The following SV2C variants were observed in gnomAD, a reference collection of about 807,000 sequenced individuals.
SV2C encodes the protein synaptic vesicle glycoprotein 2C, also known as solute carrier family 22 member B3.
In SV2C, 49 loss-of-function variants were observed where a neutral mutation model predicts 79.7. That is an observed-to-expected ratio of 0.61 (90% CI 0.49 to 0.78). The LOEUF is 0.78. SV2C is among the 30% of genes least tolerant of loss of function. The pLI, the probability that SV2C is intolerant of heterozygous loss-of-function variation, is 0.00. For synonymous variants in SV2C, 334 were observed against 333.2 expected, an observed-to-expected ratio of 1.00 and a Z score of -0.03; for missense variants, 833 against 912.9, an observed-to-expected ratio of 0.91 and a Z score of 1.13.
chr5:76,126,202 A>G (rs1379564175), intron 1 of SV2C, among the ~76,000 whole-genome samples: 5 of 152,244 alleles, frequency 3.3e-5, no homozygotes, highest in Non-Finnish European at 7.3e-5. Flanking sequence ...GGAGGAAACC[A>G]GCTACACTTA....
At chr5:76,206,561 A>G (rs1744614617) in intron 3 of SV2C, among the ~76,000 whole-genome samples, 1 of 152,216 alleles carries the variant, frequency 6.6e-6, no homozygotes, top group Non-Finnish European at 1.5e-5. Context: ...GTATCTTTCT[A>G]TTCACTGGAG....
intron 12 of SV2C, among the ~76,000 whole-genome samples, chr5:76,318,516 G>A (rs762044274): frequency 7.9e-5 from 12 of 152,124 alleles, no homozygotes; most frequent in Admixed American, 2.0e-4. Context: ...CCATCCAGCT[G>A]CAGAGGTGGC....
chr5:76,127,284 A>G (rs1238864198), intron 1 of SV2C, among the ~76,000 whole-genome samples: 2 of 152,174 alleles, frequency 1.3e-5, no homozygotes, highest in Non-Finnish European at 2.9e-5. Flanking sequence ...AATAGTATGT[A>G]GTGGTATTGG....
chr5:76,034,886 T>C, the SV2C span, among the ~76,000 whole-genome samples: 1 of 152,182 alleles, frequency 6.6e-6, no homozygotes, highest in Non-Finnish European at 1.5e-5. Flanking sequence ...TCCTGGACTG[T>C]TTCTGGTTGG....
the SV2C span, among the ~76,000 whole-genome samples, chr5:75,953,013 G>A: frequency 7.2e-5 from 11 of 152,038 alleles, no homozygotes; most frequent in East Asian, 1.9e-3. Flanking sequence ...AATATCTGAT[G>A]TGGGTAATTT....
chr5:75,853,573 AAGAC>A, the SV2C span, among the ~76,000 whole-genome samples: 33 of 136,300 alleles, frequency 2.4e-4, no homozygotes, highest in Non-Finnish European at 3.7e-4. Flanking sequence ...AAAAAAAAAA[AAGAC>A]AGCCTGGGCA....
At chr5:75,945,489 TA>T in the SV2C span, among the ~76,000 whole-genome samples, 3 of 151,780 alleles carry the variant, frequency 2.0e-5, no homozygotes, top group South Asian at 2.1e-4. Flanking sequence ...TTATTATTAT[TA>T]TTTTTTTTGG....
At chr5:76,086,623 G>A (rs1300657503) in intron 1 of SV2C, among the ~76,000 whole-genome samples, 2 of 119,236 alleles carry the variant, frequency 1.7e-5, no homozygotes, top group Non-Finnish European at 3.3e-5. Flanking sequence ...GTAAACCCAG[G>A]AAAGGCAGCC....
the SV2C span, among the ~76,000 whole-genome samples, chr5:75,970,450 G>A: frequency 6.6e-6 from 1 of 151,924 alleles, no homozygotes; most frequent in Non-Finnish European, 1.5e-5. Context: ...GAAGAAAAGA[G>A]AGAAGAATCA....
rs1189465247 is a variant in SV2C at position 76,135,365 on chromosome 5, ACACTGC to A, written c.580+3038_580+3043del. Reference sequence around the variant, plus strand: ...TTTGGAAGTCATCTTGTTTAAGACAACACTGCCAATGACCTTAATGAGGGAGAGAAT... The same window carrying A: ...TTTGGAAGTCATCTTGTTTAAGACAACAATGACCTTAATGAGGGAGAGAAT... On this transcript the variant is annotated intron_variant, in intron 2 of 12. Coordinates refer to ENST00000502798, the MANE Select transcript of SV2C (RefSeq NM_014979.4). 3.3e-5 allele frequency among the ~76,000 whole-genome samples: 5 copies of A among 152,166 alleles called. No individual in the cohort carries two copies. In the East Asian group the frequency reaches 5.8e-4, roughly 18 times the overall value.
At chr5:75,980,374 A>T in the SV2C span, among the ~76,000 whole-genome samples, 41 of 152,306 alleles carry the variant, frequency 2.7e-4, no homozygotes, top group African/African-American at 9.9e-4. Flanking sequence ...TGAGGCCAGC[A>T]TTGTCCTGAT....
At chr5:76,231,192 G>A (rs1051348942) in intron 4 of SV2C, among the ~76,000 whole-genome samples, 2 of 152,152 alleles carry the variant, frequency 1.3e-5, no homozygotes, top group Non-Finnish European at 2.9e-5. Context: ...TTACCATTCT[G>A]TGCAATAGAT....
the SV2C span, among the ~76,000 whole-genome samples, chr5:75,949,384 T>G: frequency 7.2e-6 from 1 of 139,516 alleles, no homozygotes; most frequent in Admixed American, 6.9e-5. Context: ...AGCTGTTATA[T>G]TAACAGTAGA....
the SV2C span, among the ~76,000 whole-genome samples, chr5:75,895,136 A>G: frequency 3.2e-4 from 48 of 152,302 alleles, no homozygotes; most frequent in South Asian, 6.2e-4. Flanking sequence ...CACTGAATAA[A>G]CAAACAGCAA....
At chr5:76,141,352 A>T (rs1749244087) in intron 2 of SV2C, among the ~76,000 whole-genome samples, 1 of 152,174 alleles carries the variant, frequency 6.6e-6, no homozygotes, top group African/African-American at 2.4e-5. Flanking sequence ...ACTCTGAATC[A>T]TTGTATCCCT....
chr5:76,224,732 C>G (rs1399581908), intron 4 of SV2C, among the ~76,000 whole-genome samples: 1 of 152,046 alleles, frequency 6.6e-6, no homozygotes, highest in Non-Finnish European at 1.5e-5. Context: ...AGTGGGGTCC[C>G]CAGAAGGAGT....
intron 3 of SV2C, among the ~76,000 whole-genome samples, chr5:76,198,747 T>G (rs1428709195): frequency 1.3e-5 from 2 of 152,214 alleles, no homozygotes; most frequent in African/African-American, 4.8e-5. Context: ...CTAGAGTTTA[T>G]CTGGGAACTC....
intron 4 of SV2C, among the ~76,000 whole-genome samples, chr5:76,218,577 G>A (rs892674000): frequency 3.9e-5 from 6 of 152,280 alleles, no homozygotes; most frequent in African/African-American, 1.4e-4. Context: ...GACACAGGGA[G>A]GGGAACATCA....
intron 4 of SV2C, among the ~76,000 whole-genome samples, chr5:76,229,423 G>A (rs1308591017): frequency 6.6e-6 from 1 of 152,228 alleles, no homozygotes; most frequent in African/African-American, 2.4e-5. Context: ...TTCCAGGCAG[G>A]CAGCCCAAGC....
Sources: gnomAD v4.1 joint callset for allele counts (sites outside exome capture counted in the v4.1 genomes callset) on GRCh38, gnomAD v4.1.1 for gene constraint, MANE v1.5 for transcripts, NCBI Gene and HGNC (gene_info 2026-07-23, HGNC 2026-07-21) for gene names.